FIGN: variants seen among roughly 807,000 people sequenced by gnomAD.
The protein encoded by FIGN is fidgetin, microtubule severing factor.
In FIGN, 11 loss-of-function variants were observed where a neutral mutation model predicts 51.3. That is an observed-to-expected ratio of 0.21 (90% CI 0.13 to 0.35). FIGN has a LOEUF of 0.35. Among genes scored for constraint, FIGN ranks in the 10% least tolerant of loss-of-function variants. FIGN has a pLI of 1.00. For synonymous variants in FIGN, 407 were observed against 363.2 expected (o/e 1.12, Z -1.37); for missense variants, 857 against 943.6 (o/e 0.91, Z 1.20).
In FIGN at chr2:163,609,724, C is replaced by A; in HGVS notation, c.2108G>T (p.Gly703Val). 6.2e-7 allele frequency: 1 copy of A among 1,614,006 alleles called. No individual in the cohort carries two copies. The highest frequency in any genetic ancestry group is 8.5e-7 in the Non-Finnish European group (1 of 1,180,008). Residue 703 changes from glycine to valine, a missense_variant, in exon 3 of 3, where the codon GGC becomes GTC. Gly to Val is a moderately radical substitution (Grantham distance 109). Around this residue, in one of 3 missense-constraint regions of FIGN, gnomAD observed 799 missense variants for 849.5 expected, o/e 0.94. Transcript: ENST00000333129. The stretch of plus-strand genomic sequence containing the variant: ...TGTGGCTGGCATGGCATGGAGGGGG[C>A]CCACCACTGCTTCCTGACACAAATG... ...VAHLCQEAVV[G>V]PLHAMPATDL...
At chr2:163,690,133 T>C (rs1180856247) in intron 2 of FIGN, among the ~76,000 whole-genome samples, 2 of 152,262 alleles carry the variant, frequency 1.3e-5, no homozygotes, top group East Asian at 1.9e-4. Context: ...AATGATTCAA[T>C]GTCAAGGAAG....
intron 2 of FIGN, among the ~76,000 whole-genome samples, chr2:163,632,919 G>C (rs1276767656): frequency 6.6e-6 from 1 of 152,090 alleles, no homozygotes; most frequent in Non-Finnish European, 1.5e-5. Context: ...GGCCAGGTTG[G>C]GTGGCTCATG....
intron 2 of FIGN, among the ~76,000 whole-genome samples, chr2:163,660,939 A>G (rs1222102078): frequency 8.4e-6 from 1 of 118,860 alleles, no homozygotes; most frequent in Non-Finnish European, 1.6e-5. Context: ...GCTGGAGTCC[A>G]GTGGCATGAT....
At chr2:163,628,280 A>C (rs1048228602) in intron 2 of FIGN, among the ~76,000 whole-genome samples, 4 of 152,200 alleles carry the variant, frequency 2.6e-5, no homozygotes, top group African/African-American at 9.6e-5. Flanking sequence ...GTTGAGGTAG[A>C]TCTTGGACAT....
intron 2 of FIGN, among the ~76,000 whole-genome samples, chr2:163,683,248 T>G (rs2105340406): frequency 6.6e-6 from 1 of 152,308 alleles, no homozygotes; most frequent in South Asian, 2.1e-4. Context: ...AGTGTTGCAA[T>G]AGGAAATATA....
chr2:163,638,204 G>A (rs1176847513), intron 2 of FIGN, among the ~76,000 whole-genome samples: 2 of 151,940 alleles, frequency 1.3e-5, no homozygotes, highest in Non-Finnish European at 2.9e-5. Context: ...TTCTACGCTA[G>A]TGTGAGAGTC....
chr2:163,721,577 T>C (rs1038974326), intron 2 of FIGN, among the ~76,000 whole-genome samples: 1 of 152,110 alleles, frequency 6.6e-6, no homozygotes, highest in Non-Finnish European at 1.5e-5. Flanking sequence ...GCAGTGTTTT[T>C]ATACAATTAA....
chr2:163,653,731 A>G (rs1230578601), intron 2 of FIGN, among the ~76,000 whole-genome samples: 1 of 152,100 alleles, frequency 6.6e-6, no homozygotes, highest in Non-Finnish European at 1.5e-5. Flanking sequence ...CCCCTCACCA[A>G]TGAATCTCTA....
At chr2:163,704,625 T>TTCTCTC (rs751888499) in intron 2 of FIGN, among the ~76,000 whole-genome samples, 898 of 36,282 alleles carry the variant, frequency 0.025, 24 homozygotes, top group South Asian at 0.034. Context: ...GTCTCTCTCT[T>TTCTCTC]TCTCTCTCTC....
intron 2 of FIGN, among the ~76,000 whole-genome samples, chr2:163,715,336 A>C (rs1390154761): frequency 2.0e-5 from 3 of 152,220 alleles, no homozygotes. Context: ...TTGAACTCAC[A>C]CACCAATGTG....
chr2:163,695,607 C>A (rs552546694), intron 2 of FIGN, among the ~76,000 whole-genome samples: 1 of 152,108 alleles, frequency 6.6e-6, no homozygotes, highest in Admixed American at 6.6e-5. Context: ...AAATGAAAGA[C>A]TATTAGTAAT....
intron 2 of FIGN, among the ~76,000 whole-genome samples, chr2:163,630,556 C>A (rs1297568502): frequency 5.3e-5 from 8 of 151,830 alleles, no homozygotes; most frequent in African/African-American, 1.7e-4. Flanking sequence ...AAATCACCAC[C>A]TGCAAGCCAC....
At position 163,609,466 on chromosome 2, in the gene FIGN, T is replaced by C; in HGVS notation, c.*86A>G. 1.7e-6 allele frequency: 2 copies of C among 1,177,108 alleles called. No individual in the cohort carries two copies. The highest frequency in any genetic ancestry group is 1.5e-5 in the South Asian group (1 of 66,712). 72.9% of individuals were successfully genotyped at this position (1,177,108 alleles called of 1,614,324 possible). ...CCAGTACCCTTTGCAATTTAAACTC[T>C]ACTGGAAAGGGGCTCTATTCCCTAT... On this transcript the variant is annotated 3_prime_UTR_variant, in exon 3 of 3. Transcript: ENST00000333129.
intron 2 of FIGN, among the ~76,000 whole-genome samples, chr2:163,636,424 T>A (rs1350487024): frequency 6.6e-6 from 1 of 152,182 alleles, no homozygotes; most frequent in Non-Finnish European, 1.5e-5. Context: ...TAGCTGGTAT[T>A]ACGGGCATGT....
intron 2 of FIGN, among the ~76,000 whole-genome samples, chr2:163,724,327 T>C (rs937892410): frequency 6.6e-6 from 1 of 152,196 alleles, no homozygotes; most frequent in Non-Finnish European, 1.5e-5. Flanking sequence ...CATTAGTATA[T>C]TCAGTTCTGA....
At position 163,688,202 on chromosome 2, in the gene FIGN, G is replaced by A. The variant is rs184397980; in HGVS notation, c.25+46701C>T. 2.6e-5 allele frequency among the ~76,000 whole-genome samples: 4 copies of A among 152,306 alleles called. No individual in the cohort carries two copies. In the East Asian group the frequency reaches 7.7e-4, roughly 29 times the overall value. On this transcript the variant is annotated intron_variant, in intron 2 of 2. Transcript: ENST00000333129. Reference sequence around the variant, plus strand: ...TGCCTGCTTATAAAAGATACTCTGTGTAAAAGAGCCAGGAGATCCATCACC... The same window carrying A: ...TGCCTGCTTATAAAAGATACTCTGTATAAAAGAGCCAGGAGATCCATCACC...
chr2:163,716,178 C>T (rs959200686), intron 2 of FIGN, among the ~76,000 whole-genome samples: 1 of 152,150 alleles, frequency 6.6e-6, no homozygotes, highest in Admixed American at 6.5e-5. Flanking sequence ...AGTTTTTAGG[C>T]AAATGTCTCT....
intron 2 of FIGN, among the ~76,000 whole-genome samples, chr2:163,725,811 A>AT (rs1277589583): frequency 6.6e-6 from 1 of 151,892 alleles, no homozygotes; most frequent in Non-Finnish European, 1.5e-5. Context: ...AGAGCTTTCA[A>AT]TTTTTTTTGT....
At chr2:163,663,975 A>C (rs893519792) in intron 2 of FIGN, among the ~76,000 whole-genome samples, 2 of 152,210 alleles carry the variant, frequency 1.3e-5, no homozygotes, top group Admixed American at 1.3e-4. Flanking sequence ...TAGTTTAAAG[A>C]CTAAACACAA....
Sources: allele counts gnomAD v4.1 joint callset (sites outside exome capture counted in the v4.1 genomes callset), GRCh38; gene constraint gnomAD v4.1.1; regional missense constraint gnomAD v4.1.1; transcripts MANE v1.5; gene names NCBI Gene and HGNC (gene_info 2026-07-23, HGNC 2026-07-21).